The following CDC73 variants were observed in gnomAD, a reference collection of about 807,000 sequenced individuals.
The protein encoded by CDC73 is cell division cycle 73.
Under a neutral mutation model 83.7 loss-of-function variants are expected in CDC73, and 21 were observed. That is an observed-to-expected ratio of 0.25 (90% CI 0.18 to 0.36). CDC73 has a LOEUF of 0.36. CDC73 is among the 10% of genes least tolerant of loss of function. CDC73 has a pLI of 1.00. For synonymous variants in CDC73, 224 were observed against 212.9 expected (o/e 1.05, Z -0.45); for missense variants, 342 against 653.3 (o/e 0.52, Z 5.19).
chr1:193,155,915 C>T (rs947144113), intron 10 of CDC73, among the ~76,000 whole-genome samples: 1 of 152,138 alleles, frequency 6.6e-6, no homozygotes, highest in African/African-American at 2.4e-5. Flanking sequence ...TTGCCCCTAC[C>T]CTAACACCTA....
At chr1:193,204,216 T>C (rs12076690) in intron 11 of CDC73, among the ~76,000 whole-genome samples, 5 of 12,392 alleles carry the variant, frequency 4.0e-4, no homozygotes, top group Non-Finnish European at 7.9e-4. Context: ...TGTATATATA[T>C]GTATATATAT....
chr1:193,122,523 A>G (rs1191024596), intron 1 of CDC73, 192 bp downstream of exon 1: 2 of 625,052 alleles, frequency 3.2e-6, no homozygotes, highest in African/African-American at 3.7e-5. Context: ...GCTCTAGAGC[A>G]GTTCATCACT....
At chr1:193,221,321 C>T (rs561491541) in intron 13 of CDC73, among the ~76,000 whole-genome samples, 2 of 152,232 alleles carry the variant, frequency 1.3e-5, no homozygotes, top group South Asian at 2.1e-4. Flanking sequence ...ACATAGTAGT[C>T]ATATCCACGC....
chr1:193,156,078 A>G (rs1445355316), intron 10 of CDC73, among the ~76,000 whole-genome samples: 5 of 152,234 alleles, frequency 3.3e-5, no homozygotes, highest in African/African-American at 1.2e-4. Context: ...TAGACAAAGA[A>G]TGTCACTTGA....
rs1558326478 is a variant in CDC73 at position 193,250,779 on chromosome 1, A to G, written c.*67A>G. On this transcript the variant is annotated 3_prime_UTR_variant, in exon 17 of 17. Transcript: ENST00000367435. ...TTATGAATTTATCAAGAACTTAAAA[A>G]TGAAGAAGGTCACAGATTGATCTTT... is the stretch of plus-strand genomic sequence containing the variant. 1 of 1,326,662 alleles carries G rather than the reference A, an allele frequency of 7.5e-7. No homozygotes were observed. The highest frequency in any genetic ancestry group is 1.7e-5 in the Admixed American group (1 of 59,010). 82.2% of individuals were successfully genotyped at this position (1,326,662 alleles called of 1,614,324 possible). A position where few individuals can be genotyped will look rare whatever the true frequency, so the allele number is the denominator to read the frequency against.
intron 11 of CDC73, among the ~76,000 whole-genome samples, chr1:193,208,450 T>C (rs879266725): frequency 2.0e-5 from 3 of 152,246 alleles, no homozygotes; most frequent in Non-Finnish European, 2.9e-5. Context: ...TTATATTTTA[T>C]TCAGTTGGCT....
chr1:193,171,697 A>G lies in CDC73; in HGVS notation c.972+19253A>G, dbSNP rs150982570. On this transcript the variant is annotated intron_variant, in intron 10 of 16. Transcript: ENST00000367435. ...AGGGTCCATGTGATTATACTGGGCC[A>G]ATCAGGAAAATCTCCCTATTTTAAA... Among the ~76,000 whole-genome samples, 1,436 of 152,266 alleles carry G rather than the reference A, an allele frequency of 9.4e-3. 15 individuals carry two copies. The highest frequency in any genetic ancestry group is 0.034 in the South Asian group (162 of 4,818).
intron 5 of CDC73, among the ~76,000 whole-genome samples, chr1:193,136,869 A>G (rs1675810881): frequency 6.6e-6 from 1 of 152,182 alleles, no homozygotes; most frequent in Non-Finnish European, 1.5e-5. Context: ...GATGCCATTT[A>G]TTTGAAACAA....
intron 11 of CDC73, among the ~76,000 whole-genome samples, chr1:193,209,418 A>C (rs1677241109): frequency 6.6e-6 from 1 of 152,216 alleles, no homozygotes. Flanking sequence ...AGAAACTATT[A>C]TCTCTTTTAC....
At chr1:193,232,947 A>C in intron 13 of CDC73, 46 bp from the exon 14 acceptor site, 1 of 1,510,114 alleles carries the variant, frequency 6.6e-7, no homozygotes, top group East Asian at 2.3e-5. Flanking sequence ...TCCCATTTTC[A>C]TCACGTGGAA....
intron 10 of CDC73, among the ~76,000 whole-genome samples, chr1:193,189,276 T>A (rs1271329745): frequency 6.6e-6 from 1 of 152,160 alleles, no homozygotes; most frequent in Non-Finnish European, 1.5e-5. Flanking sequence ...AAATTTAAGT[T>A]AAGCTAGTTA....
chr1:193,212,495 C>A lies in CDC73; in HGVS notation c.1154+18C>A. ...GACCTGAAGTAAGTAATTTATTAAA[C>A]TATCCTGTACGTAGGATATTGAGAT... On this transcript the variant is annotated intron_variant, in intron 13 of 16. Coordinates refer to ENST00000367435, the MANE Select transcript of CDC73 (RefSeq NM_024529.5). 7.4e-7 allele frequency: 1 copy of A among 1,346,836 alleles called. No homozygotes were observed. The highest frequency in any genetic ancestry group is 1.1e-6 in the Non-Finnish European group (1 of 939,016). The allele number at this position is 1,346,836 out of a possible 1,614,324, so 83.4% of individuals were successfully genotyped here.
At chr1:193,198,881 G>A (rs189303772) in intron 10 of CDC73, among the ~76,000 whole-genome samples, 4 of 152,292 alleles carry the variant, frequency 2.6e-5, no homozygotes, top group East Asian at 3.9e-4. Context: ...TTTTCTCATC[G>A]TACAATAGAT....
At chr1:193,197,819 A>C (rs1203083251) in intron 10 of CDC73, among the ~76,000 whole-genome samples, 1 of 151,362 alleles carries the variant, frequency 6.6e-6, no homozygotes, top group Non-Finnish European at 1.5e-5. Context: ...CCAGCTACTC[A>C]GGAGGCTGAG....
At chr1:193,222,057 A>G (rs549174634) in intron 13 of CDC73, among the ~76,000 whole-genome samples, 40 of 152,108 alleles carry the variant, frequency 2.6e-4, no homozygotes, top group Non-Finnish European at 5.3e-4. Flanking sequence ...AAATAATAAA[A>G]CCCTTTAACA....
intron 10 of CDC73, among the ~76,000 whole-genome samples, chr1:193,171,998 C>G (rs2103150590): frequency 6.6e-6 from 1 of 152,282 alleles, no homozygotes; most frequent in East Asian, 1.9e-4. Flanking sequence ...CATCTCAGCT[C>G]ACTGCAACCT....
chr1:193,185,552 A>T (rs1676792350), intron 10 of CDC73, among the ~76,000 whole-genome samples: 2 of 152,052 alleles, frequency 1.3e-5, no homozygotes, highest in Admixed American at 1.3e-4. Context: ...GTTTTGTTTT[A>T]AAAGGACTTT....
intron 10 of CDC73, among the ~76,000 whole-genome samples, chr1:193,165,999 T>C (rs1266952088): frequency 1.3e-5 from 2 of 152,224 alleles, no homozygotes; most frequent in African/African-American, 2.4e-5. Flanking sequence ...AAAACAATTA[T>C]CAAGTTAGTC....
At chr1:193,239,860 C>T (rs1325052434) in intron 15 of CDC73, among the ~76,000 whole-genome samples, 1 of 152,138 alleles carries the variant, frequency 6.6e-6, no homozygotes, top group Non-Finnish European at 1.5e-5. Context: ...CAGCTGTTCA[C>T]CATGGCATAT....
Sources: gnomAD v4.1 joint callset for allele counts (sites outside exome capture counted in the v4.1 genomes callset) on GRCh38, gnomAD v4.1.1 for gene constraint, MANE v1.5 for transcripts, NCBI Gene and HGNC (gene_info 2026-07-23, HGNC 2026-07-21) for gene names.